The following ANXA13 variants were observed in gnomAD, a reference collection of about 807,000 sequenced individuals.
ANXA13 encodes annexin A13.
ANXA13 carries 36 observed loss-of-function variants against 46.6 expected under a neutral mutation model. The observed-to-expected ratio is 0.77, with a 90% CI of 0.59 to 1.02. The LOEUF (loss-of-function observed/expected upper bound fraction) is 1.02. ANXA13 is among the 50% of genes least tolerant of loss of function. The pLI is 0.00. For synonymous variants in ANXA13, 163 were observed against 152.9 expected, an observed-to-expected ratio of 1.07 and a Z score of -0.49; for missense variants, 417 against 396.5, an observed-to-expected ratio of 1.05 and a Z score of -0.44.
chr8:123,698,444 C>T lies in ANXA13; in HGVS notation c.302G>A (p.Gly101Asp). The T allele has an allele frequency of 1.2e-6, 2 of 1,614,164 alleles. No homozygotes were observed. Among genetic ancestry groups the T allele is most frequent in the South Asian group, 1.1e-5 (1 of 91,084 alleles). ...AARQLQKAMK[G>D]LGTDESVLIE... ...GAGGACGGACTCATCTGTGCCCAGA[C>T]CCTTCATAGCCTTCTGCAGCTGCCG... Residue 101 changes from glycine (G) to aspartate (D), a missense_variant, in exon 4 of 11, where the codon GGT becomes GAT. Gly to Asp is a moderately conservative substitution (Grantham distance 94). Coordinates refer to ENST00000419625, the MANE Select transcript of ANXA13 (RefSeq NM_004306.4).
At chr8:123,700,193 T>G (rs1813416451) in intron 3 of ANXA13, among the ~76,000 whole-genome samples, 1 of 152,206 alleles carries the variant, frequency 6.6e-6, no homozygotes, top group Non-Finnish European at 1.5e-5. Flanking sequence ...TGGTCAGTAC[T>G]CTATGGTGTG....
intron 4 of ANXA13, 33 bp from the exon 5 acceptor site, chr8:123,695,754 T>A: frequency 6.4e-7 from 1 of 1,573,006 alleles, no homozygotes; most frequent in Non-Finnish European, 8.7e-7. Context: ...AAATCAATAT[T>A]CCAAGGAGGG....
At chr8:123,722,100 T>C (rs1402679978) in intron 1 of ANXA13, among the ~76,000 whole-genome samples, 4 of 151,480 alleles carry the variant, frequency 2.6e-5, no homozygotes, top group Non-Finnish European at 4.4e-5. Context: ...AGACCAGGAG[T>C]TCAAGACCAG....
intron 1 of ANXA13, among the ~76,000 whole-genome samples, chr8:123,714,636 T>C (rs1313407614): frequency 6.6e-6 from 1 of 152,178 alleles, no homozygotes; most frequent in Non-Finnish European, 1.5e-5. Context: ...TGAGTTGGCT[T>C]GAGGCTTTAG....
At chr8:123,704,648 C>A (rs1380082261) in intron 2 of ANXA13, among the ~76,000 whole-genome samples, 1 of 152,194 alleles carries the variant, frequency 6.6e-6, no homozygotes, top group East Asian at 1.9e-4. Context: ...CCACCTGCCT[C>A]AGCCTCTTAA....
chr8:123,686,560 G>T (rs1177839268), intron 9 of ANXA13, among the ~76,000 whole-genome samples: 1 of 152,110 alleles, frequency 6.6e-6, no homozygotes, highest in African/African-American at 2.4e-5. Context: ...GCTCCCCTTT[G>T]CCTTCAGAGT....
chr8:123,702,612 T>A, intron 3 of ANXA13, 30 bp downstream of exon 3: 6 of 1,587,762 alleles, frequency 3.8e-6, no homozygotes, highest in Non-Finnish European at 5.2e-6. Context: ...CATGGCTGGG[T>A]GCAAGCTTGC....
intron 9 of ANXA13, among the ~76,000 whole-genome samples, chr8:123,687,653 A>G (rs574193533): frequency 6.6e-6 from 1 of 152,294 alleles, no homozygotes; most frequent in East Asian, 1.9e-4. Flanking sequence ...AAAGAAACCA[A>G]ACAAAAGAGT....
At chr8:123,685,768 A>T (rs1350902445) in intron 9 of ANXA13, among the ~76,000 whole-genome samples, 2 of 152,146 alleles carry the variant, frequency 1.3e-5, no homozygotes, top group African/African-American at 4.8e-5. Flanking sequence ...GGAAAAGAAA[A>T]TCGCACCGGA....
At chr8:123,713,111 C>T (rs1475527758) in intron 1 of ANXA13, among the ~76,000 whole-genome samples, 3 of 152,182 alleles carry the variant, frequency 2.0e-5, no homozygotes, top group Non-Finnish European at 2.9e-5. Context: ...CTTGTTCTCC[C>T]CCTTTGTCAT....
chr8:123,721,467 C>T (rs554634904), intron 1 of ANXA13, among the ~76,000 whole-genome samples: 1 of 152,268 alleles, frequency 6.6e-6, no homozygotes, highest in Admixed American at 6.5e-5. Flanking sequence ...GAATATGTAT[C>T]AAGAGCGCTT....
chr8:123,690,217 A>G lies in ANXA13; in HGVS notation c.643-1271T>C, dbSNP rs1218337625. Reference sequence around the variant, plus strand: ...CTTCAAGAGAACATTTTGTTCACACAGGTCTTGTTTACTTTAAAAAATCCT... The same window carrying G: ...CTTCAAGAGAACATTTTGTTCACACGGGTCTTGTTTACTTTAAAAAATCCT... On this transcript the variant is annotated intron_variant, in intron 8 of 10. Transcript: ENST00000419625. This position sits in a 1 kb window ranked among gnomAD's most constrained non-coding sequence, Gnocchi z 4.6. Among the ~76,000 whole-genome samples, 3 of 152,218 alleles carry G rather than the reference A, an allele frequency of 2.0e-5. No individual in the cohort carries two copies. The highest frequency in any genetic ancestry group is 4.4e-5 in the Non-Finnish European group (3 of 68,034).
At chr8:123,700,078 G>A (rs1167297259) in intron 3 of ANXA13, among the ~76,000 whole-genome samples, 3 of 152,152 alleles carry the variant, frequency 2.0e-5, no homozygotes, top group Non-Finnish European at 2.9e-5. Flanking sequence ...GAATATTTTT[G>A]TCCAAAGCCC....
chr8:123,718,364 G>A (rs915029143), intron 1 of ANXA13, among the ~76,000 whole-genome samples: 2 of 152,194 alleles, frequency 1.3e-5, no homozygotes, highest in African/African-American at 4.8e-5. Flanking sequence ...TGAAGTTCCA[G>A]ACATATATTT....
chr8:123,705,812 C>T (rs1327700206), intron 2 of ANXA13, among the ~76,000 whole-genome samples: 1 of 152,022 alleles, frequency 6.6e-6, no homozygotes, highest in African/African-American at 2.4e-5. Flanking sequence ...TGGAGGGAAA[C>T]TAGCTGGAGA....
At chr8:123,737,273 A>G (rs1265739252) in intron 1 of ANXA13, 47 bp downstream of exon 1, 3 of 1,585,820 alleles carry the variant, frequency 1.9e-6, no homozygotes, top group Non-Finnish European at 1.7e-6. Context: ...ATTCTTCCAC[A>G]TGCTAACCAA....
rs1162941971 is a variant in ANXA13 at position 123,706,203 on chromosome 8, G to A, written c.92-3467C>T. On this transcript the variant is annotated intron_variant, in intron 2 of 10. Transcript: ENST00000419625. ...TTCCTCCCGGAGCTTCGCCTCCATC[G>A]TGGGAATCCAATTACTCATTCTATG... 3.9e-5 allele frequency among the ~76,000 whole-genome samples: 6 copies of A among 152,172 alleles called. No individual in the cohort carries two copies. The South Asian group carries it at 6.2e-4, about 16-fold the overall frequency.
intron 2 of ANXA13, among the ~76,000 whole-genome samples, chr8:123,709,080 A>T (rs970921766): frequency 2.0e-5 from 3 of 152,264 alleles, no homozygotes; most frequent in African/African-American, 7.2e-5. Context: ...CATTCAACCC[A>T]GTTCACCCTG....
chr8:123,716,329 C>G (rs1411086694), intron 1 of ANXA13, among the ~76,000 whole-genome samples: 1 of 152,132 alleles, frequency 6.6e-6, no homozygotes, highest in African/African-American at 2.4e-5. Context: ...AAGCGATCCA[C>G]CCACCTCGGC....
Sources: gnomAD v4.1 joint callset for allele counts (sites outside exome capture counted in the v4.1 genomes callset) on GRCh38, gnomAD v4.1.1 for gene constraint, Gnocchi (gnomAD v3.1) non-coding constraint, MANE v1.5 for transcripts, NCBI Gene and HGNC (gene_info 2026-07-23, HGNC 2026-07-21) for gene names.